KIAA1217: variants seen among roughly 807,000 people sequenced by gnomAD.
KIAA1217 encodes the protein KIAA1217, also known as sickle tail protein homolog.
In KIAA1217, 88 loss-of-function variants were observed where a neutral mutation model predicts 163.9. The ratio of observed to expected loss-of-function variants is 0.54; its 90% CI spans 0.45 to 0.64. The LOEUF (loss-of-function observed/expected upper bound fraction) is 0.64. KIAA1217 is among the 30% of genes least tolerant of loss of function. KIAA1217 has a pLI of 0.00. For synonymous variants in KIAA1217, 903 were observed against 923.1 expected (o/e 0.98, Z 0.39); for missense variants, 2,372 against 2,475.0 (o/e 0.96, Z 0.88).
chr10:24,350,928 A>G (rs1463711633), intron 2 of KIAA1217, among the ~76,000 whole-genome samples: 2 of 151,528 alleles, frequency 1.3e-5, no homozygotes, highest in Admixed American at 6.6e-5. Context: ...GTTTTTTTGG[A>G]AAAGTGATTA....
At chr10:23,794,737 C>A (rs1371383707) in intron 1 of KIAA1217, among the ~76,000 whole-genome samples, 2 of 152,178 alleles carry the variant, frequency 1.3e-5, no homozygotes, top group Admixed American at 6.5e-5. Context: ...TAATGGATCA[C>A]CTTAACCTGG....
At chr10:24,043,414 A>C (rs1848758733) in intron 2 of KIAA1217, among the ~76,000 whole-genome samples, 1 of 152,128 alleles carries the variant, frequency 6.6e-6, no homozygotes, top group African/African-American at 2.4e-5. Flanking sequence ...ATGACAAACA[A>C]ATACGCAATG....
intron 1 of KIAA1217, among the ~76,000 whole-genome samples, chr10:23,909,205 A>G (rs1194143037): frequency 6.6e-6 from 1 of 152,070 alleles, no homozygotes. Context: ...CTCAGGGGGA[A>G]ATGGTGGGAA....
intron 6 of KIAA1217, among the ~76,000 whole-genome samples, chr10:24,479,408 T>G (rs2064388677): frequency 6.6e-6 from 1 of 152,218 alleles, no homozygotes; most frequent in African/African-American, 2.4e-5. Flanking sequence ...ACAGTCAGTT[T>G]GAATGATGGG....
At chr10:24,050,697 G>T (rs1036870694) in intron 2 of KIAA1217, among the ~76,000 whole-genome samples, 2 of 152,086 alleles carry the variant, frequency 1.3e-5, no homozygotes, top group Non-Finnish European at 2.9e-5. Context: ...TGCTGTTTTG[G>T]TTACTGTAGC....
intron 2 of KIAA1217, among the ~76,000 whole-genome samples, chr10:24,186,568 G>A (rs1011896085): frequency 1.3e-5 from 2 of 152,074 alleles, no homozygotes; most frequent in African/African-American, 4.8e-5. Context: ...TACTTAGAAG[G>A]GGGATCTTTG....
chr10:23,855,130 C>T (rs948653477), intron 1 of KIAA1217, among the ~76,000 whole-genome samples: 6 of 152,208 alleles, frequency 3.9e-5, no homozygotes, highest in Non-Finnish European at 7.3e-5. Context: ...TACAATTTGG[C>T]ATGATTTCAC....
At chr10:24,337,166 T>A (rs143762263) in intron 2 of KIAA1217, among the ~76,000 whole-genome samples, 117 of 152,342 alleles carry the variant, frequency 7.7e-4, no homozygotes, top group African/African-American at 2.7e-3. Flanking sequence ...GTACACCTGA[T>A]AAGGGATTTA....
rs1564746812 is a variant in KIAA1217, at chr10:24,473,474, A to G, written c.1093A>G (p.Ser365Gly). 1 of 1,613,918 alleles carries G rather than the reference A, an allele frequency of 6.2e-7. No homozygotes were observed. The highest frequency in any genetic ancestry group is 1.3e-5 in the African/African-American group (1 of 74,906). Reference sequence around the variant, plus strand: ...CTCCAGACCCATCTCTCCAAGCCCAAGCGCCATTTTAGAAAGAAGAGATGT... The same window carrying G: ...CTCCAGACCCATCTCTCCAAGCCCAGGCGCCATTTTAGAAAGAAGAGATGT... ...PVSRPISPSP[S>G]AILERRDVKP... is the part of the protein sequence containing the mutation. Residue 365 changes from serine to glycine, a missense_variant, in exon 6 of 21, where the codon AGC (serine) becomes GGC (glycine). Ser to Gly is a moderately conservative substitution (Grantham distance 56, BLOSUM62 0). Transcript: ENST00000376454.
At chr10:24,428,296 G>A (rs750120011) in intron 3 of KIAA1217, among the ~76,000 whole-genome samples, 4 of 152,130 alleles carry the variant, frequency 2.6e-5, no homozygotes, top group East Asian at 1.9e-4. Flanking sequence ...CACATCCCAC[G>A]TGGGGCCAAG....
At chr10:24,054,944 A>G (rs1453854503) in intron 2 of KIAA1217, among the ~76,000 whole-genome samples, 1 of 152,150 alleles carries the variant, frequency 6.6e-6, no homozygotes, top group African/African-American at 2.4e-5. Flanking sequence ...AAATTTTGTT[A>G]TGCAGCACAT....
rs1012484983 is a variant in KIAA1217 at position 24,547,341 on chromosome 10, G to A, written c.*1017G>A. The A allele has an allele frequency of 6.6e-6, 1 of 152,564 alleles. No homozygotes were observed. The highest frequency in any genetic ancestry group is 1.5e-5 in the Non-Finnish European group (1 of 68,032). The allele number at this position is 152,564 out of a possible 1,614,324, so 9.5% of individuals were successfully genotyped here. ...AGTATATATCGGGACCGGCAGAAATGGAAGTATCCATACATTTTTAAAAAG... is the reference window on the plus strand; with the variant it reads ...AGTATATATCGGGACCGGCAGAAATAGAAGTATCCATACATTTTTAAAAAG... On this transcript the variant is annotated 3_prime_UTR_variant, in exon 21 of 21. Transcript: ENST00000376454.
At chr10:24,028,795 T>G (rs1848072318) in intron 2 of KIAA1217, among the ~76,000 whole-genome samples, 1 of 152,206 alleles carries the variant, frequency 6.6e-6, no homozygotes, top group Non-Finnish European at 1.5e-5. Context: ...CAAAAAAATC[T>G]GAATGACTAT....
chr10:24,218,649 C>T (rs1159576763), intron 1 of KIAA1217, among the ~76,000 whole-genome samples: 2 of 151,970 alleles, frequency 1.3e-5, no homozygotes, highest in African/African-American at 2.4e-5. Context: ...CCACCATGCC[C>T]AGCTAATTTT....
At chr10:23,808,986 C>A (rs1292585685) in intron 1 of KIAA1217, among the ~76,000 whole-genome samples, 1 of 151,966 alleles carries the variant, frequency 6.6e-6, no homozygotes, top group Non-Finnish European at 1.5e-5. Context: ...TGCAACAGGA[C>A]ATGATGTAAG....
chr10:23,756,211 C>G (rs555410197), intron 1 of KIAA1217, among the ~76,000 whole-genome samples: 31 of 152,012 alleles, frequency 2.0e-4, no homozygotes, highest in East Asian at 5.8e-4. Context: ...GATCCTCCCA[C>G]TTCAGCCTTC....
At chr10:23,702,365 A>T (rs1836515968) in intron 1 of KIAA1217, among the ~76,000 whole-genome samples, 1 of 152,170 alleles carries the variant, frequency 6.6e-6, no homozygotes, top group Admixed American at 6.6e-5. Flanking sequence ...TGCCTAGTTC[A>T]TAAACACATT....
intron 1 of KIAA1217, among the ~76,000 whole-genome samples, chr10:23,720,917 G>C (rs1164340403): frequency 6.6e-6 from 1 of 151,972 alleles, no homozygotes; most frequent in Non-Finnish European, 1.5e-5. Context: ...TATGAGTCTT[G>C]GTTTTGCTTA....
intron 1 of KIAA1217, among the ~76,000 whole-genome samples, chr10:23,938,777 TC>T (rs35792858): frequency 2.0e-5 from 3 of 150,898 alleles, no homozygotes; most frequent in Non-Finnish European, 4.4e-5. Context: ...CTGGAACCAA[TC>T]CCCCTTGGAT....
Sources: allele counts gnomAD v4.1 joint callset (sites outside exome capture counted in the v4.1 genomes callset), GRCh38; gene constraint gnomAD v4.1.1; transcripts MANE v1.5; gene names NCBI Gene and HGNC (gene_info 2026-07-23, HGNC 2026-07-21).